The following SUMF2 variants were observed in gnomAD, a reference collection of about 807,000 sequenced individuals.
SUMF2 encodes sulfatase modifying factor 2.
A neutral mutation model predicts 44.8 loss-of-function variants in SUMF2; 45 were observed. The observed-to-expected ratio is 1.00, with a 90% CI of 0.79 to 1.29. The LOEUF (loss-of-function observed/expected upper bound fraction) is 1.29. SUMF2 is among the 50% of genes most tolerant of loss of function. The pLI is 0.00. For missense variants in SUMF2, 418 were observed against 389.9 expected (o/e 1.07, Z -0.61); for synonymous variants, 148 against 150.4 (o/e 0.98, Z 0.12).
intron 8 of SUMF2, 135 bp downstream of exon 8, chr7:56,078,643 C>T: frequency 8.9e-7 from 1 of 1,118,352 alleles, no homozygotes; most frequent in Non-Finnish European, 1.2e-6. Flanking sequence ...CCTCCCTGAG[C>T]CTGTGCCCAG....
intron 6 of SUMF2, among the ~76,000 whole-genome samples, 158 bp downstream of exon 6, chr7:56,077,047 CTT>C (rs949808656): frequency 3.8e-4 from 51 of 135,264 alleles, no homozygotes; most frequent in Admixed American, 4.5e-4. Context: ...TAAGTGCTTT[CTT>C]TTTTTTTTTT....
At chr7:56,071,258 G>A (rs1197007482) in intron 2 of SUMF2, among the ~76,000 whole-genome samples, 1 of 152,180 alleles carries the variant, frequency 6.6e-6, no homozygotes, top group Non-Finnish European at 1.5e-5. Flanking sequence ...TTGGGAGGCT[G>A]AGGAGGGAAA....
chr7:56,083,043 T>G (rs958056942), downstream of SUMF2: 2 of 434,354 alleles, frequency 4.6e-6, no homozygotes, highest in South Asian at 5.7e-5. Context: ...GAGGTGGAAG[T>G]TGCAGTGAGC....
At chr7:56,081,450 C>A, downstream of SUMF2, 4 of 1,289,838 alleles carry the variant, frequency 3.1e-6, no homozygotes, top group Non-Finnish European at 4.2e-6. The surrounding 1 kb of genome is among the most constrained non-coding windows in gnomAD (Gnocchi z 4.6). Context: ...ACTTGGCCAG[C>A]ATCCTCAGGG....
chr7:56,087,194 TTTATTATTATTATTA>T, the SUMF2 span, among the ~76,000 whole-genome samples: 360 of 136,082 alleles, frequency 2.6e-3, 1 homozygote, highest in African/African-American at 7.0e-3. Context: ...GCCCAGGGAC[TTTATTATTATTATTA>T]TTATTATTAT....
chr7:56,080,053 T>C lies in SUMF2; in HGVS notation c.*441T>C, dbSNP rs1795876235. ...GCCAGTTGCTGTGGAAGGAGAATGC[T>C]TTCTTTGTGGCCTCATCTGTGGTTT... On this transcript the variant is annotated 3_prime_UTR_variant, in exon 9 of 9. Coordinates refer to ENST00000434526, the MANE Select transcript of SUMF2 (RefSeq NM_015411.4). The C allele has an allele frequency of 3.1e-6, 2 of 636,480 alleles. No homozygotes were observed. The highest frequency in any genetic ancestry group is 5.3e-6 in the Non-Finnish European group (2 of 374,458). 39.4% of individuals were successfully genotyped at this position (636,480 alleles called of 1,614,324 possible). A position where few individuals can be genotyped will look rare whatever the true frequency, so the allele number is the denominator to read the frequency against.
At chr7:56,073,227 G>C in intron 3 of SUMF2, 116 bp downstream of exon 3, 1 of 803,224 alleles carries the variant, frequency 1.2e-6, no homozygotes, top group South Asian at 1.4e-5. Context: ...GGTGGAGGCA[G>C]AGGGGAAGCA....
At chr7:56,074,530 C>T in intron 4 of SUMF2, 56 bp from the exon 5 acceptor site, 1 of 1,597,968 alleles carries the variant, frequency 6.3e-7, no homozygotes, top group Non-Finnish European at 8.6e-7. Context: ...TAAACCTAGC[C>T]TGCCTCCGAC....
At chr7:56,078,543 G>A in intron 8 of SUMF2, 35 bp downstream of exon 8, 2 of 1,513,126 alleles carry the variant, frequency 1.3e-6, no homozygotes, top group South Asian at 2.7e-5. Flanking sequence ...ACGGGGCCTT[G>A]TAGCTGGGGG....
downstream of SUMF2, among the ~76,000 whole-genome samples, chr7:56,085,522 A>ATGG (rs1470441820): frequency 6.6e-6 from 1 of 152,208 alleles, no homozygotes; most frequent in Non-Finnish European, 1.5e-5. Context: ...GATGGTGATG[A>ATGG]TGGTGGTGAT....
At chr7:56,087,220 T>TATC in the SUMF2 span, among the ~76,000 whole-genome samples, 3 of 147,708 alleles carry the variant, frequency 2.0e-5, no homozygotes, top group Non-Finnish European at 4.5e-5. Flanking sequence ...TTATTATTAT[T>TATC]ATTATTATTA....
intron 1 of SUMF2, 82 bp downstream of exon 1, chr7:56,064,460 T>G: frequency 6.8e-7 from 1 of 1,480,182 alleles, no homozygotes; most frequent in East Asian, 2.7e-5. Flanking sequence ...CCTTAGGCCC[T>G]TCTGCCGGCT....
intron 1 of SUMF2, among the ~76,000 whole-genome samples, chr7:56,066,508 G>C (rs1318441550): frequency 3.3e-5 from 5 of 152,030 alleles, no homozygotes; most frequent in South Asian, 2.1e-4. Context: ...GTGCAGTGGC[G>C]CGATCTTGGT....
intron 1 of SUMF2, among the ~76,000 whole-genome samples, chr7:56,066,082 CAAAAA>C (rs71015176): frequency 4.3e-5 from 3 of 69,686 alleles, no homozygotes; most frequent in African/African-American, 1.7e-4. Flanking sequence ...CTCCGCCTCA[CAAAAA>C]AAAAAAAAAA....
At chr7:56,084,182 T>C (rs1170422132), downstream of SUMF2, 6 of 1,534,620 alleles carry the variant, frequency 3.9e-6, no homozygotes, top group African/African-American at 2.7e-5. Flanking sequence ...GTTGGTGGAC[T>C]TGGGAGAGTC....
chr7:56,083,776 C>T, downstream of SUMF2: 1 of 1,186,512 alleles, frequency 8.4e-7, no homozygotes, highest in South Asian at 1.3e-5. Context: ...CCTTACCCTG[C>T]TCCCAGAGAG....
chr7:56,073,318 T>C, intron 3 of SUMF2: 1 of 624,262 alleles, frequency 1.6e-6, no homozygotes, highest in Middle Eastern at 3.1e-4. Flanking sequence ...CTTGCCTAAA[T>C]GTCCAAGTCA....
chr7:56,081,896 G>C (rs200728838), downstream of SUMF2: 168 of 1,613,302 alleles, frequency 1.0e-4, no homozygotes, highest in Non-Finnish European at 1.3e-4. The surrounding 1 kb of genome is among the most constrained non-coding windows in gnomAD (Gnocchi z 4.6). Flanking sequence ...CTCTCACCAG[G>C]TCCTTCACGG....
chr7:56,073,789 T>C lies in SUMF2; in HGVS notation c.340-385T>C, dbSNP rs537619022. On this transcript the variant is annotated intron_variant, in intron 3 of 8. Coordinates refer to ENST00000434526, the MANE Select transcript of SUMF2 (RefSeq NM_015411.4). ...ACTTTGGGAGGCCGAGGTGGGACAA[T>C]TGCTTGAGCCCAAGAATTCAAGACC... 73 of 208,814 alleles carry C rather than the reference T, an allele frequency of 3.5e-4. 2 individuals carry two copies. In the South Asian group the frequency reaches 5.1e-3, roughly 15 times the overall value. The allele number at this position is 208,814 out of a possible 1,614,324, so 12.9% of individuals were successfully genotyped here.
Sources: allele counts gnomAD v4.1 joint callset (sites outside exome capture counted in the v4.1 genomes callset), GRCh38; gene constraint gnomAD v4.1.1; non-coding constraint Gnocchi (gnomAD v3.1); transcripts MANE v1.5; gene names NCBI Gene and HGNC (gene_info 2026-07-23, HGNC 2026-07-21).